The following WLS variants were observed in gnomAD, a reference collection of about 807,000 sequenced individuals.
WLS encodes protein wntless homolog.
WLS carries 23 observed loss-of-function variants against 62.8 expected under a neutral mutation model. The ratio of observed to expected loss-of-function variants is 0.37; its 90% CI spans 0.26 to 0.52. WLS has a LOEUF of 0.52. WLS is among the 20% of genes least tolerant of loss of function. WLS has a pLI of 0.92. For synonymous variants in WLS, 246 were observed against 244.1 expected (o/e 1.01, Z -0.07); for missense variants, 615 against 697.3 (o/e 0.88, Z 1.33).
intron 11 of WLS, among the ~76,000 whole-genome samples, chr1:68,119,143 C>A (rs1001003223): frequency 6.6e-6 from 1 of 151,908 alleles, no homozygotes; most frequent in African/African-American, 2.4e-5. Flanking sequence ...TCATGAAAAT[C>A]ATGTTATAGA....
intron 1 of WLS, among the ~76,000 whole-genome samples, chr1:68,222,696 T>C (rs1057336732): frequency 2.6e-5 from 4 of 152,046 alleles, no homozygotes; most frequent in African/African-American, 4.8e-5. Context: ...TAAATTAAGG[T>C]AGAACAAGAT....
At chr1:68,127,092 G>A in intron 11 of WLS, 2 of 402,440 alleles carry the variant, frequency 5.0e-6, no homozygotes, top group Non-Finnish European at 9.8e-6. Context: ...CTACTCAGGA[G>A]GCTGAGGCAG....
intron 2 of WLS, among the ~76,000 whole-genome samples, chr1:68,183,962 G>A (rs571470261): frequency 2.6e-5 from 4 of 152,172 alleles, no homozygotes; most frequent in African/African-American, 9.6e-5. Flanking sequence ...ACAACACTGG[G>A]TTCCAGTGTA....
intron 1 of WLS, among the ~76,000 whole-genome samples, chr1:68,214,831 A>C (rs752773066): frequency 4.6e-5 from 7 of 152,200 alleles, no homozygotes; most frequent in Non-Finnish European, 1.0e-4. Context: ...GATTATGTCA[A>C]CAGATCTCAC....
At chr1:68,180,367 G>A (rs1647482290) in intron 2 of WLS, among the ~76,000 whole-genome samples, 1 of 152,024 alleles carries the variant, frequency 6.6e-6, no homozygotes, top group South Asian at 2.1e-4. Context: ...TCAAGCCTGG[G>A]CTTTTCTTTC....
chr1:68,140,491 G>A (rs1646670344), intron 10 of WLS, among the ~76,000 whole-genome samples: 1 of 152,104 alleles, frequency 6.6e-6, no homozygotes, highest in East Asian at 1.9e-4. Context: ...GTAACATATG[G>A]TATAAACTGG....
At chr1:68,118,565 C>A (rs1646323621) in intron 11 of WLS, among the ~76,000 whole-genome samples, 1 of 152,134 alleles carries the variant, frequency 6.6e-6, no homozygotes, top group Non-Finnish European at 1.5e-5. Flanking sequence ...TACTGATCTG[C>A]CCCAAATGCT....
At position 68,148,554 on chromosome 1, in the gene WLS, C is replaced by A. The variant is rs373820719; in HGVS notation, c.1070+9G>T. 1.2e-6 allele frequency: 2 copies of A among 1,613,658 alleles called. No homozygotes were observed. Among genetic ancestry groups the A allele is most frequent in the African/African-American group, 2.7e-5 (2 of 74,926 alleles). ...AGTTTGGCTCAGTGTCCCACAAACA[C>A]TTGCTCACCTCTCACACATGTCAAA... On this transcript the variant is annotated intron_variant, in intron 7 of 11. Coordinates refer to ENST00000262348, the MANE Select transcript of WLS (RefSeq NM_024911.7).
chr1:68,133,205 CAT>C (rs1376726786), intron 11 of WLS, among the ~76,000 whole-genome samples: 2 of 152,162 alleles, frequency 1.3e-5, no homozygotes, highest in African/African-American at 2.4e-5. Flanking sequence ...AATGATTACA[CAT>C]ATAATTCTAT....
At position 68,125,500 on chromosome 1, in the gene WLS, G is replaced by A. The variant is rs1330151217; in HGVS notation, c.*726C>T. The A allele has an allele frequency of 3.0e-6, 3 of 985,278 alleles. No homozygotes were observed. The highest frequency in any genetic ancestry group is 3.6e-6 in the Non-Finnish European group (3 of 829,910). 61.0% of individuals were successfully genotyped at this position (985,278 alleles called of 1,614,324 possible). A position where few individuals can be genotyped will look rare whatever the true frequency, so the allele number is the denominator to read the frequency against. The stretch of plus-strand genomic sequence containing the variant: ...GCATTTTAAGCAAGAAGTTAAAAAA[G>A]CTTTTCAGACCCGAAGGCCATTTAA... On this transcript the variant is annotated 3_prime_UTR_variant, in exon 12 of 12. Coordinates refer to ENST00000262348, the MANE Select transcript of WLS (RefSeq NM_024911.7).
intron 11 of WLS, among the ~76,000 whole-genome samples, chr1:68,130,621 TGTA>T (rs1205328349): frequency 1.9e-4 from 29 of 152,272 alleles, no homozygotes; most frequent in Non-Finnish European, 3.2e-4. Context: ...AACAGAAAAG[TGTA>T]GTATTTTAAA....
intron 2 of WLS, among the ~76,000 whole-genome samples, chr1:68,166,986 G>C (rs913622805): frequency 2.2e-4 from 33 of 152,198 alleles, no homozygotes; most frequent in African/African-American, 6.7e-4. Context: ...GCCTGTTCAA[G>C]TGACCTTTAC....
chr1:68,101,946 C>T (rs546765727), intron 11 of WLS, among the ~76,000 whole-genome samples: 1 of 152,170 alleles, frequency 6.6e-6, no homozygotes, highest in East Asian at 1.9e-4. Flanking sequence ...AATCAAATAT[C>T]TTACTGTTGA....
At chr1:68,228,417 A>G (rs976351199) in intron 1 of WLS, among the ~76,000 whole-genome samples, 4 of 152,150 alleles carry the variant, frequency 2.6e-5, no homozygotes, top group African/African-American at 9.7e-5. Context: ...ATTCAAGTTC[A>G]TGATTTTTAG....
At chr1:68,192,101 G>T (rs895904306) in intron 2 of WLS, among the ~76,000 whole-genome samples, 2 of 152,132 alleles carry the variant, frequency 1.3e-5, no homozygotes, top group Non-Finnish European at 2.9e-5. Context: ...TCAGCTAACA[G>T]CAGAATGCCT....
intron 5 of WLS, among the ~76,000 whole-genome samples, chr1:68,152,733 T>C (rs1452542320): frequency 6.6e-6 from 1 of 152,054 alleles, no homozygotes; most frequent in East Asian, 1.9e-4. Flanking sequence ...AAAGGGTATG[T>C]GGCTTCAGGG....
intron 11 of WLS, chr1:68,117,649 T>C (rs1570816842): frequency 6.6e-6 from 1 of 152,274 alleles, no homozygotes; most frequent in Non-Finnish European, 1.5e-5. Flanking sequence ...AGCTCTCGTG[T>C]TTCCTCTGTG....
At chr1:68,222,151 G>A (rs1649967849) in intron 1 of WLS, among the ~76,000 whole-genome samples, 1 of 152,168 alleles carries the variant, frequency 6.6e-6, no homozygotes, top group Non-Finnish European at 1.5e-5. Context: ...GACTGATAAA[G>A]TCTTAAAACT....
downstream of WLS, among the ~76,000 whole-genome samples, chr1:68,123,943 T>C (rs1043984092): frequency 6.6e-6 from 1 of 151,920 alleles, no homozygotes; most frequent in African/African-American, 2.4e-5. Context: ...TCTAGTACAG[T>C]CTGTCTCTTA....
Sources: allele counts gnomAD v4.1 joint callset (sites outside exome capture counted in the v4.1 genomes callset), GRCh38; gene constraint gnomAD v4.1.1; transcripts MANE v1.5; gene names NCBI Gene and HGNC (gene_info 2026-07-23, HGNC 2026-07-21).